The following CCDC14 variants were observed in gnomAD, a reference collection of about 807,000 sequenced individuals.
The protein encoded by CCDC14 is coiled-coil domain-containing protein 14.
In CCDC14, 71 loss-of-function variants were observed where a neutral mutation model predicts 81.4. The observed-to-expected ratio is 0.87, with a 90% confidence interval of 0.72 to 1.06. CCDC14 has a LOEUF of 1.06. Among genes scored for constraint, CCDC14 ranks in the 50% least tolerant of loss-of-function variants. CCDC14 has a pLI of 0.00. For missense variants in CCDC14, 1,046 were observed against 1,047.3 expected (o/e 1.00, Z 0.02); for synonymous variants, 332 against 364.8 (o/e 0.91, Z 1.03).
chr3:123,915,996 CTTT>C (rs55792519), intron 12 of CCDC14, among the ~76,000 whole-genome samples: 82 of 139,436 alleles, frequency 5.9e-4, no homozygotes, highest in African/African-American at 1.7e-3. Flanking sequence ...ATGTTTTACT[CTTT>C]TTTTTTTTTT....
At chr3:123,956,218 A>C in intron 3 of CCDC14, 103 bp from the exon 4 acceptor site, 2 of 1,292,602 alleles carry the variant, frequency 1.5e-6, no homozygotes, top group South Asian at 2.9e-5. Context: ...ACAAACTATT[A>C]TTGGTAGAAA....
intron 9 of CCDC14, among the ~76,000 whole-genome samples, chr3:123,934,368 CT>C (rs1043897909): frequency 2.1e-5 from 3 of 144,440 alleles, no homozygotes; most frequent in Admixed American, 6.9e-5. Flanking sequence ...TATTTCTTTC[CT>C]TTTCTATCTG....
rs150138515 is a variant in CCDC14 at position 123,907,579 on chromosome 3, G to A, written c.668-9966C>T. On this transcript the variant is annotated intron_variant, in intron 5 of 5. Coordinates refer to the CCDC14 transcript ENST00000479903. The stretch of plus-strand genomic sequence containing the variant: ...AAAAAATCAAAAAAATTAGGTGGGC[G>A]TGGTTGTACACTCTTGTAATCTCAG... Among the ~76,000 whole-genome samples, 74 of 151,836 alleles carry A rather than the reference G, an allele frequency of 4.9e-4. No homozygotes were observed. The East Asian group carries it at 6.8e-3, about 14-fold the overall frequency.
At chr3:123,959,240 A>C (rs1324804574) in intron 1 of CCDC14, among the ~76,000 whole-genome samples, 1 of 152,140 alleles carries the variant, frequency 6.6e-6, no homozygotes, top group African/African-American at 2.4e-5. Context: ...CAGCTATACC[A>C]TTTTACATTC....
At chr3:123,941,333 C>T (rs1307148537) in intron 9 of CCDC14, among the ~76,000 whole-genome samples, 1 of 151,836 alleles carries the variant, frequency 6.6e-6, no homozygotes, top group East Asian at 1.9e-4. Flanking sequence ...AACGATGCAT[C>T]TAGCTATTTT....
At chr3:123,901,327 T>C (rs1187651820) in intron 5 of CCDC14, among the ~76,000 whole-genome samples, 1 of 152,030 alleles carries the variant, frequency 6.6e-6, no homozygotes, top group Non-Finnish European at 1.5e-5. Flanking sequence ...TTCAATTCAA[T>C]ATAGCATTAG....
the CCDC14 span, among the ~76,000 whole-genome samples, chr3:123,891,765 C>T: frequency 6.6e-6 from 1 of 152,230 alleles, no homozygotes; most frequent in Admixed American, 6.5e-5. Flanking sequence ...TGCCTGTTAC[C>T]CAGTTCCAAA....
At position 123,947,190 on chromosome 3, in the gene CCDC14, T is replaced by C. The variant is rs1161807547; in HGVS notation, c.814A>G (p.Ile272Val). The C allele has an allele frequency of 6.2e-7, 1 of 1,613,994 alleles. No individual in the cohort carries two copies. Among genetic ancestry groups the C allele is most frequent in the Non-Finnish European group, 8.5e-7 (1 of 1,179,882 alleles). ...TGCTGCAATGTTGGAATAGCTGATA[T>C]GTCAGTTTTGGGCAGGCTACATGGA... is the stretch of plus-strand genomic sequence containing the variant. ...GVPCSLPKTD[I>V]SAIPTLQQLG... is the part of the protein sequence containing the mutation. Residue 272 changes from isoleucine (I) to valine (V), a missense_variant, in exon 8 of 13, where the codon ATA (isoleucine) becomes GTA (valine). By Grantham distance (29) the Ile-to-Val change is conservative. Transcript: ENST00000409697.
chr3:123,934,813 C>A (rs777256035), intron 9 of CCDC14, among the ~76,000 whole-genome samples: 1 of 152,034 alleles, frequency 6.6e-6, no homozygotes, highest in African/African-American at 2.4e-5. Context: ...AGTACCCTAC[C>A]TCACATCACT....
rs2036648265 is a variant in CCDC14, at chr3:123,946,795, C to T, written c.1201+8G>A. Reference sequence around the variant, plus strand: ...ACCATACTACAGAAAGTTATAAGTCCCATCTACCTTGTTCTGCTACCAGGG... The same window carrying T: ...ACCATACTACAGAAAGTTATAAGTCTCATCTACCTTGTTCTGCTACCAGGG... On this transcript the variant is annotated splice_region_variant and intron_variant, in intron 8 of 12. Transcript: ENST00000409697. The T allele has an allele frequency of 1.2e-6, 2 of 1,606,902 alleles. No individual in the cohort carries two copies. The highest frequency in any genetic ancestry group is 1.7e-6 in the Non-Finnish European group (2 of 1,176,812).
chr3:123,924,460 C>CT (rs1201840506), intron 12 of CCDC14, among the ~76,000 whole-genome samples: 3 of 152,070 alleles, frequency 2.0e-5, no homozygotes, highest in Admixed American at 2.0e-4. Context: ...AACTAAAAGG[C>CT]TTTTGCACAG....
chr3:123,950,193 T>C (rs2036924021), intron 5 of CCDC14, among the ~76,000 whole-genome samples: 1 of 152,164 alleles, frequency 6.6e-6, no homozygotes, highest in Non-Finnish European at 1.5e-5. Flanking sequence ...GTTATCAGTA[T>C]ACAAAATAAA....
intron 1 of CCDC14, chr3:123,957,700 G>A (rs1412611855): frequency 2.0e-5 from 3 of 151,998 alleles, no homozygotes; most frequent in Admixed American, 2.0e-4. Context: ...GGTTGCCTCT[G>A]GGGAGGGAAA....
chr3:123,956,791 A>G lies in CCDC14; in HGVS notation c.35T>C (p.Leu12Ser), dbSNP rs745691397. The G allele has an allele frequency of 1.8e-5, 28 of 1,532,164 alleles. No individual in the cohort carries two copies. The Admixed American group carries it at 3.4e-4, about 18-fold the overall frequency. 94.9% of individuals were successfully genotyped at this position (1,532,164 alleles called of 1,614,324 possible). The change falls in exon 2 of 13, where the codon TTA (leucine) becomes TCA (serine). Residue 12 changes from leucine (L) to serine (S), a missense_variant. Transcript: ENST00000409697. ...VRSGARPGQV[L>S]SSGRHTGPAK... ...AGGTCCAGTGTGCCTTCCTGAAGAT[A>G]ACACCTATGACATAATATATTATAG...
At chr3:123,944,757 C>T (rs2036536173) in intron 9 of CCDC14, 92 bp downstream of exon 9, 2 of 860,836 alleles carry the variant, frequency 2.3e-6, no homozygotes, top group Non-Finnish European at 3.3e-6. Context: ...ATAAATTTTA[C>T]TTATGAAGTC....
At chr3:123,954,046 A>G (rs1199447888) in intron 5 of CCDC14, 1 of 152,194 alleles carries the variant, frequency 6.6e-6, no homozygotes, top group African/African-American at 2.4e-5. Flanking sequence ...GTCAGGATCC[A>G]GTAAGTTGAT....
chr3:123,928,286 A>T (rs1035596863), intron 12 of CCDC14, among the ~76,000 whole-genome samples: 8 of 148,532 alleles, frequency 5.4e-5, no homozygotes, highest in Non-Finnish European at 1.0e-4. Flanking sequence ...TCATGAAGTC[A>T]GGAGATAGAG....
Position 123,949,037 on chromosome 3 carries a change from G to C in CCDC14, c.448C>G (p.His150Asp), listed in dbSNP as rs756466046. The C allele has an allele frequency of 4.3e-6, 7 of 1,613,392 alleles. No homozygotes were observed. In the African/African-American group the frequency reaches 5.3e-5, roughly 12 times the overall value. ...DLEQNWSLQD[H>D]YRMYSPIIYQ... ...ATTATGGGTGAATACATTCTATAATGATCTTGCAATGACCAGTTTTGCTCT... is the reference window on the plus strand; with the variant it reads ...ATTATGGGTGAATACATTCTATAATCATCTTGCAATGACCAGTTTTGCTCT... Residue 150 changes from histidine to aspartate, a missense_variant, in exon 6 of 13, where the codon CAT becomes GAT. Transcript: ENST00000409697.
rs540580457 is a variant in CCDC14, at chr3:123,950,042, TA to T, written c.353-911del. Among the ~76,000 whole-genome samples, 340 of 152,310 alleles carry T rather than the reference TA, an allele frequency of 2.2e-3. 1 individual carries two copies. Among genetic ancestry groups the T allele is most frequent in the African/African-American group, 7.8e-3 (323 of 41,572 alleles). ...AAATCGGTATTAACAAAGTAATAAG[TA>T]AAAAACAACAAAGTTTTCTACATAG... On this transcript the variant is annotated intron_variant, in intron 5 of 12. Transcript: ENST00000409697.
Sources: gnomAD v4.1 joint callset for allele counts (sites outside exome capture counted in the v4.1 genomes callset) on GRCh38, gnomAD v4.1.1 for gene constraint, MANE v1.5 for transcripts, NCBI Gene and HGNC (gene_info 2026-07-23, HGNC 2026-07-21) for gene names.